KCNJ6: variants seen among roughly 807,000 people sequenced by gnomAD.
KCNJ6 encodes the protein G protein-activated inward rectifier potassium channel 2.
In KCNJ6, 9 loss-of-function variants were observed where a neutral mutation model predicts 34.2. That is an observed-to-expected ratio of 0.26 (90% CI 0.16 to 0.46). The LOEUF (loss-of-function observed/expected upper bound fraction) is 0.46. KCNJ6 is among the 20% of genes least tolerant of loss of function. The pLI, the probability that KCNJ6 is intolerant of heterozygous loss-of-function variation, is 1.00. For synonymous variants in KCNJ6, 196 were observed against 207.1 expected, an observed-to-expected ratio of 0.95 and a Z score of 0.46; for missense variants, 236 against 531.3, an observed-to-expected ratio of 0.44 and a Z score of 5.46.
chr21:37,797,427 T>C (rs1261872245), intron 2 of KCNJ6, among the ~76,000 whole-genome samples: 4 of 152,220 alleles, frequency 2.6e-5, no homozygotes, highest in Non-Finnish European at 5.9e-5. Flanking sequence ...GTAATTTTTA[T>C]GTAATCATGA....
chr21:37,629,817 G>T (rs1456910032), intron 3 of KCNJ6, among the ~76,000 whole-genome samples: 1 of 152,162 alleles, frequency 6.6e-6, no homozygotes, highest in Non-Finnish European at 1.5e-5. Flanking sequence ...CATTTGAAGA[G>T]GAGTATTTAA....
chr21:37,632,418 C>T (rs1454669600), intron 3 of KCNJ6, among the ~76,000 whole-genome samples: 1 of 151,454 alleles, frequency 6.6e-6, no homozygotes, highest in Non-Finnish European at 1.5e-5. Flanking sequence ...TATTAGAAAA[C>T]AAGAAAGTCT....
At chr21:37,880,102 A>G (rs1160174389) in intron 1 of KCNJ6, among the ~76,000 whole-genome samples, 1 of 149,604 alleles carries the variant, frequency 6.7e-6, no homozygotes, top group Non-Finnish European at 1.5e-5. Flanking sequence ...TAAAAATACA[A>G]AAAAAAAAAA....
At chr21:37,908,214 A>C (rs2055850908) in intron 1 of KCNJ6, among the ~76,000 whole-genome samples, 1 of 152,212 alleles carries the variant, frequency 6.6e-6, no homozygotes, top group Non-Finnish European at 1.5e-5. Flanking sequence ...TTCCTCTCAT[A>C]GTCTTCTCAG....
intron 3 of KCNJ6, among the ~76,000 whole-genome samples, chr21:37,632,276 C>T (rs2123368422): frequency 6.6e-6 from 1 of 151,332 alleles, no homozygotes; most frequent in African/African-American, 2.4e-5. Context: ...TATATGACCA[C>T]ACTTCTAAAT....
At chr21:37,761,104 G>C (rs577974762) in intron 2 of KCNJ6, among the ~76,000 whole-genome samples, 2 of 152,086 alleles carry the variant, frequency 1.3e-5, no homozygotes, top group Non-Finnish European at 2.9e-5. Flanking sequence ...GTGGTGTTGC[G>C]TGTGTGTGTG....
At chr21:37,770,727 A>T (rs2123503064) in intron 2 of KCNJ6, among the ~76,000 whole-genome samples, 2 of 152,324 alleles carry the variant, frequency 1.3e-5, no homozygotes, top group East Asian at 3.9e-4. Flanking sequence ...TCATGGAAGA[A>T]GGTAGTTACA....
intron 1 of KCNJ6, among the ~76,000 whole-genome samples, chr21:37,906,049 T>A (rs1204930871): frequency 2.6e-5 from 4 of 152,244 alleles, no homozygotes; most frequent in Non-Finnish European, 5.9e-5. Context: ...TGATAGCATC[T>A]TTTATTTAAA....
chr21:37,750,807 A>C (rs1342633759), intron 2 of KCNJ6, among the ~76,000 whole-genome samples: 1 of 152,200 alleles, frequency 6.6e-6, no homozygotes, highest in Admixed American at 6.5e-5. Context: ...GCAGCAAACC[A>C]CCATGGCACA....
At chr21:37,755,366 C>T (rs993699585) in intron 2 of KCNJ6, among the ~76,000 whole-genome samples, 6 of 152,204 alleles carry the variant, frequency 3.9e-5, no homozygotes, top group African/African-American at 1.4e-4. Flanking sequence ...AAAAGCTATG[C>T]CCCTGGGATA....
intron 2 of KCNJ6, among the ~76,000 whole-genome samples, chr21:37,728,044 T>C (rs1055586074): frequency 6.6e-6 from 1 of 152,220 alleles, no homozygotes; most frequent in African/African-American, 2.4e-5. Flanking sequence ...CAAAAGGTGG[T>C]AGCAATTCGA....
In KCNJ6 at chr21:37,622,004, A is replaced by T. The variant is rs2054291388; in HGVS notation, c.*3155T>A. 1 of 152,212 alleles carries T rather than the reference A, an allele frequency of 6.6e-6. No individual in the cohort carries two copies. The highest frequency in any genetic ancestry group is 1.5e-5 in the Non-Finnish European group (1 of 68,040). 9.4% of individuals were successfully genotyped at this position (152,212 alleles called of 1,614,324 possible). A position where few individuals can be genotyped will look rare whatever the true frequency, so the allele number is the denominator to read the frequency against. On this transcript the variant is annotated 3_prime_UTR_variant, in exon 4 of 4. Coordinates refer to ENST00000609713, the MANE Select transcript of KCNJ6 (RefSeq NM_002240.5). ...TGGGGTGGGTGGAGGTGAGAATCCG[A>T]GGAACTCAGCAGCCTTGTGGTGGGG...
chr21:37,805,229 A>G (rs2055288081), intron 2 of KCNJ6, among the ~76,000 whole-genome samples: 1 of 152,056 alleles, frequency 6.6e-6, no homozygotes, highest in Non-Finnish European at 1.5e-5. Flanking sequence ...AACACACTGA[A>G]TTGTATACTT....
chr21:37,783,973 G>A (rs374547002), intron 2 of KCNJ6, among the ~76,000 whole-genome samples: 20 of 152,306 alleles, frequency 1.3e-4, no homozygotes, highest in African/African-American at 4.6e-4. Context: ...CCATCAGTTA[G>A]CATCTTGATA....
At chr21:37,811,803 C>T (rs765633630) in intron 2 of KCNJ6, among the ~76,000 whole-genome samples, 11 of 151,958 alleles carry the variant, frequency 7.2e-5, no homozygotes, top group South Asian at 4.2e-4. Context: ...CAGAAAGCAA[C>T]GAATTCTGCA....
rs969805155 is a variant in KCNJ6 at position 37,712,395 on chromosome 21, C to G, written c.946+1816G>C. Among the ~76,000 whole-genome samples, 7 of 152,196 alleles carry G rather than the reference C, an allele frequency of 4.6e-5. No individual in the cohort carries two copies. In the South Asian group the frequency reaches 1.5e-3, roughly 32 times the overall value. On this transcript the variant is annotated intron_variant, in intron 3 of 3. Transcript: ENST00000609713. ...AGCTGAGGTTGGGGAAGTTTCTGGT[C>G]TGTAGGAAAGTGACAGCTCCCTGTT...
chr21:37,694,305 C>T (rs907655764), intron 3 of KCNJ6, among the ~76,000 whole-genome samples: 1 of 152,228 alleles, frequency 6.6e-6, no homozygotes, highest in Non-Finnish European at 1.5e-5. Flanking sequence ...CACTCAGACC[C>T]TTGACCTCCT....
At chr21:37,893,085 A>T (rs1168793837) in intron 1 of KCNJ6, among the ~76,000 whole-genome samples, 2 of 151,524 alleles carry the variant, frequency 1.3e-5, no homozygotes, top group Admixed American at 1.3e-4. Flanking sequence ...CGATCTCCTA[A>T]CCTTGTGATC....
chr21:37,745,418 T>C (rs1034147497), intron 2 of KCNJ6, among the ~76,000 whole-genome samples: 2 of 152,124 alleles, frequency 1.3e-5, no homozygotes, highest in African/African-American at 4.8e-5. Flanking sequence ...ACATCATGCC[T>C]GGCCATGGTT....
Sources: allele counts gnomAD v4.1 joint callset (sites outside exome capture counted in the v4.1 genomes callset), GRCh38; gene constraint gnomAD v4.1.1; transcripts MANE v1.5; gene names NCBI Gene and HGNC (gene_info 2026-07-23, HGNC 2026-07-21).